The following NEK11 variants were observed in gnomAD, a reference collection of about 807,000 sequenced individuals.
NEK11 encodes the protein serine/threonine-protein kinase Nek11.
Under a neutral mutation model 80.7 loss-of-function variants are expected in NEK11, and 72 were observed. That is an observed-to-expected ratio of 0.89 (90% confidence interval 0.74 to 1.08). NEK11 has a LOEUF of 1.08. NEK11 is among the 50% of genes least tolerant of loss of function. The pLI, the probability that NEK11 is intolerant of heterozygous loss-of-function variation, is 0.00. For missense variants in NEK11, 764 were observed against 763.6 expected, an observed-to-expected ratio of 1.00 and a Z score of -0.01; for synonymous variants, 251 against 260.7, an observed-to-expected ratio of 0.96 and a Z score of 0.36.
At chr3:131,148,831 T>C (rs762670881) in intron 7 of NEK11, among the ~76,000 whole-genome samples, 1 of 151,610 alleles carries the variant, frequency 6.6e-6, no homozygotes, top group Non-Finnish European at 1.5e-5. Context: ...ACAAAATAGG[T>C]AGTTTTTTTT....
intron 10 of NEK11, among the ~76,000 whole-genome samples, chr3:131,161,980 G>T (rs2091652702): frequency 6.6e-6 from 1 of 152,180 alleles, no homozygotes; most frequent in Non-Finnish European, 1.5e-5. Context: ...CTGAGATTCA[G>T]GGAGGTTCAG....
chr3:131,171,829 C>G (rs182925858), intron 14 of NEK11, among the ~76,000 whole-genome samples: 4 of 152,252 alleles, frequency 2.6e-5, no homozygotes, highest in Admixed American at 2.6e-4. Flanking sequence ...CAGGAACATG[C>G]TAAGCACTCA....
intron 17 of NEK11, among the ~76,000 whole-genome samples, chr3:131,308,376 G>C (rs2096743313): frequency 6.6e-6 from 1 of 152,190 alleles, no homozygotes; most frequent in Non-Finnish European, 1.5e-5. Flanking sequence ...GTCTAAAGCA[G>C]CTCAAGGATT....
intron 3 of NEK11, among the ~76,000 whole-genome samples, chr3:131,061,626 ATTTAC>A (rs2070882989): frequency 6.6e-6 from 1 of 152,168 alleles, no homozygotes; most frequent in Non-Finnish European, 1.5e-5. Context: ...ACACAAAGTA[ATTTAC>A]TTTAAAGACT....
chr3:131,242,351 C>T (rs953718421), intron 15 of NEK11, among the ~76,000 whole-genome samples: 1 of 152,146 alleles, frequency 6.6e-6, no homozygotes, highest in Admixed American at 6.5e-5. Flanking sequence ...ATTTGAAAAT[C>T]TGGCTTCCCA....
intron 17 of NEK11, among the ~76,000 whole-genome samples, chr3:131,338,723 T>C (rs4300985): frequency 1.1e-3 from 161 of 152,242 alleles, no homozygotes; most frequent in Middle Eastern, 3.4e-3. Flanking sequence ...GCTATGTTAA[T>C]TGAAAGGCAC....
intron 17 of NEK11, among the ~76,000 whole-genome samples, chr3:131,328,212 C>A (rs1338658049): frequency 1.3e-5 from 2 of 151,914 alleles, no homozygotes; most frequent in African/African-American, 4.8e-5. Flanking sequence ...ATCACTTAAG[C>A]CTGGGAGGTC....
chr3:131,100,641 T>A (rs2078231308), intron 4 of NEK11, among the ~76,000 whole-genome samples: 1 of 152,194 alleles, frequency 6.6e-6, no homozygotes, highest in Non-Finnish European at 1.5e-5. Context: ...GGATTCAGTT[T>A]GCTATGTTTT....
At chr3:131,042,157 A>G (rs889977847) in intron 3 of NEK11, among the ~76,000 whole-genome samples, 4 of 152,282 alleles carry the variant, frequency 2.6e-5, no homozygotes, top group African/African-American at 9.6e-5. Context: ...TTCAAGCACA[A>G]AACTGGGCAA....
chr3:131,125,847 A>T (rs2083240732), intron 5 of NEK11, among the ~76,000 whole-genome samples: 1 of 152,226 alleles, frequency 6.6e-6, no homozygotes, highest in African/African-American at 2.4e-5. Flanking sequence ...TATTAATAGA[A>T]ATGTGGCTCA....
At chr3:131,168,586 G>A (rs1475192587) in intron 12 of NEK11, among the ~76,000 whole-genome samples, 2 of 151,854 alleles carry the variant, frequency 1.3e-5, no homozygotes, top group Non-Finnish European at 2.9e-5. Context: ...TCGATCTCCT[G>A]ACCTCGTGAT....
intron 14 of NEK11, among the ~76,000 whole-genome samples, chr3:131,188,310 TA>T (rs1343155212): frequency 6.6e-6 from 1 of 152,216 alleles, no homozygotes; most frequent in Non-Finnish European, 1.5e-5. Context: ...CTAAAAGATT[TA>T]TTATTAGATT....
intron 4 of NEK11, among the ~76,000 whole-genome samples, chr3:131,085,290 A>G (rs2075825045): frequency 6.6e-6 from 1 of 152,226 alleles, no homozygotes; most frequent in African/African-American, 2.4e-5. Flanking sequence ...ATGCCTTATG[A>G]ACTTGAAGTT....
intron 16 of NEK11, among the ~76,000 whole-genome samples, chr3:131,246,125 G>T (rs891873645): frequency 6.6e-6 from 1 of 151,926 alleles, no homozygotes; most frequent in Non-Finnish European, 1.5e-5. Flanking sequence ...ATTCCAATAG[G>T]TTTTTGGGGA....
intron 17 of NEK11, among the ~76,000 whole-genome samples, chr3:131,332,469 A>C (rs2097107475): frequency 6.6e-6 from 1 of 152,142 alleles, no homozygotes; most frequent in African/African-American, 2.4e-5. Flanking sequence ...CCATCTGTAC[A>C]TCACCATCAT....
intron 17 of NEK11, among the ~76,000 whole-genome samples, 195 bp from the exon 18 acceptor site, chr3:131,349,362 C>A (rs1402660557): frequency 6.6e-6 from 1 of 152,156 alleles, no homozygotes; most frequent in African/African-American, 2.4e-5. Context: ...GGGTACCTGG[C>A]ACATAATAGA....
chr3:131,154,848 C>A (rs865838623), intron 9 of NEK11, 188 bp from the exon 10 acceptor site: 27 of 545,484 alleles, frequency 4.9e-5, no homozygotes, highest in African/African-American at 3.6e-4. Context: ...AGGAGCCTGA[C>A]CCTGCAAGAT....
At chr3:131,249,858 A>G (rs2095668077) in intron 16 of NEK11, among the ~76,000 whole-genome samples, 1 of 152,170 alleles carries the variant, frequency 6.6e-6, no homozygotes, top group African/African-American at 2.4e-5. Context: ...AAATGTGAAC[A>G]TGTAGCAATG....
intron 17 of NEK11, among the ~76,000 whole-genome samples, chr3:131,324,185 T>TAA (rs2096930709): frequency 6.6e-6 from 1 of 152,222 alleles, no homozygotes; most frequent in Non-Finnish European, 1.5e-5. Flanking sequence ...AGGAAATTAC[T>TAA]AAGAGAATTT....
Sources: allele counts gnomAD v4.1 joint callset (sites outside exome capture counted in the v4.1 genomes callset), GRCh38; gene constraint gnomAD v4.1.1; transcripts MANE v1.5; gene names NCBI Gene and HGNC (gene_info 2026-07-23, HGNC 2026-07-21).